Variants in MS4A12 observed in about 807,000 individuals in gnomAD.
The protein encoded by MS4A12 is membrane spanning 4-domains A12.
MS4A12 carries 28 observed loss-of-function variants against 23.7 expected under a neutral mutation model. The ratio of observed to expected loss-of-function variants is 1.18; its 90% CI spans 0.88 to 1.62. The LOEUF (loss-of-function observed/expected upper bound fraction) is 1.62. Ranked by LOEUF, MS4A12 falls within the 40% of genes most tolerant of loss-of-function variation. The probability of loss-of-function intolerance (pLI) is 0.00; values close to 1 mark genes in which losing one functional copy is unlikely to be tolerated. For synonymous variants in MS4A12, 108 were observed against 110.1 expected, an observed-to-expected ratio of 0.98 and a Z score of 0.12; for missense variants, 342 against 327.0, an observed-to-expected ratio of 1.05 and a Z score of -0.35.
At chr11:60,498,502 T>TA (rs574885790) in intron 2 of MS4A12, among the ~76,000 whole-genome samples, 85 of 152,272 alleles carry the variant, frequency 5.6e-4, no homozygotes, top group African/African-American at 2.0e-3. Flanking sequence ...CTGCTCCTAA[T>TA]AAGCCAATGG....
chr11:60,496,330 A>T (rs1293683516), intron 1 of MS4A12, among the ~76,000 whole-genome samples: 1 of 152,218 alleles, frequency 6.6e-6, no homozygotes, highest in African/African-American at 2.4e-5. Context: ...AAAAAAAGGA[A>T]TCTAAGGCTA....
At chr11:60,494,578 C>T (rs2086473835) in intron 1 of MS4A12, among the ~76,000 whole-genome samples, 1 of 152,234 alleles carries the variant, frequency 6.6e-6, no homozygotes, top group Non-Finnish European at 1.5e-5. Flanking sequence ...ATGGCCACAT[C>T]CACTGCCTAA....
In MS4A12 at chr11:60,507,195, CT is replaced by C; in HGVS notation, c.*75del. 2 of 1,192,330 alleles carry C rather than the reference CT, an allele frequency of 1.7e-6. No individual in the cohort carries two copies. Among genetic ancestry groups the C allele is most frequent in the Non-Finnish European group, 2.5e-6 (2 of 808,776 alleles). The allele number at this position is 1,192,330 out of a possible 1,614,324, so 73.9% of individuals were successfully genotyped here. A position where few individuals can be genotyped will look rare whatever the true frequency, so the allele number is the denominator to read the frequency against. On this transcript the variant is annotated 3_prime_UTR_variant, in exon 7 of 7. Coordinates refer to ENST00000016913, the MANE Select transcript of MS4A12 (RefSeq NM_017716.3). ...TTGCAAAAACTTCTTAAGAAGATGT[CT>C]TTTATTGTCTACAATGATTTCTAGT...
chr11:60,494,365 A>G (rs2086472111), intron 1 of MS4A12, among the ~76,000 whole-genome samples: 1 of 152,230 alleles, frequency 6.6e-6, no homozygotes, highest in African/African-American at 2.4e-5. Flanking sequence ...ATTTCTCGAG[A>G]CAAAAAAAAA....
chr11:60,498,594 T>C (rs1374172858), intron 2 of MS4A12, among the ~76,000 whole-genome samples: 2 of 152,136 alleles, frequency 1.3e-5, no homozygotes, highest in African/African-American at 2.4e-5. Context: ...ATCTCTGCCC[T>C]CACAGAACTT....
rs1162347766 is a variant in MS4A12, at chr11:60,500,996, A to G, written c.277-49A>G. On this transcript the variant is annotated intron_variant, in intron 2 of 6. Transcript: ENST00000016913. Reference sequence around the variant, plus strand: ...GGCAGCAATGACAGTAATGTTTCACACGTCTGAAAGTGAAGAAGTAATTTT... The same window carrying G: ...GGCAGCAATGACAGTAATGTTTCACGCGTCTGAAAGTGAAGAAGTAATTTT... The G allele has an allele frequency of 8.4e-6, 13 of 1,550,206 alleles. No homozygotes were observed. The Admixed American group carries it at 2.4e-4, about 29-fold the overall frequency.
At chr11:60,498,245 C>T (rs184054026) in intron 2 of MS4A12, among the ~76,000 whole-genome samples, 2 of 152,300 alleles carry the variant, frequency 1.3e-5, no homozygotes, top group East Asian at 3.9e-4. Flanking sequence ...ATCATTCATC[C>T]CGCTAGCACA....
chr11:60,502,050 C>A lies in MS4A12; in HGVS notation c.471+11C>A. ...CTTTCCCGTTGTCTGGTAAGTTAGA[C>A]TGTCTCTACTTTTTGAACCCCTTTA... On this transcript the variant is annotated intron_variant, in intron 4 of 6. Coordinates refer to ENST00000016913, the MANE Select transcript of MS4A12 (RefSeq NM_017716.3). 6.2e-7 allele frequency: 1 copy of A among 1,602,566 alleles called. No homozygotes were observed. Among genetic ancestry groups the A allele is most frequent in the Non-Finnish European group, 8.5e-7 (1 of 1,169,752 alleles).
intron 2 of MS4A12, among the ~76,000 whole-genome samples, chr11:60,500,493 T>C (rs1017011627): frequency 5.3e-5 from 8 of 152,162 alleles, no homozygotes; most frequent in African/African-American, 1.7e-4. Flanking sequence ...CTCTTAGGAA[T>C]TGTGTGACCT....
intron 2 of MS4A12, 49 bp downstream of exon 2, chr11:60,497,643 CT>C: frequency 6.3e-7 from 1 of 1,583,980 alleles, no homozygotes; most frequent in Non-Finnish European, 8.7e-7. Flanking sequence ...GCAAGGTCTT[CT>C]TATAAGTTAT....
chr11:60,501,488 G>T (rs1050057787), intron 3 of MS4A12, among the ~76,000 whole-genome samples: 15 of 152,240 alleles, frequency 9.9e-5, no homozygotes, highest in African/African-American at 3.6e-4. Context: ...TACTACATTT[G>T]AGATGGAAAT....
At chr11:60,502,135 G>A in intron 4 of MS4A12, 96 bp downstream of exon 4, 2 of 1,262,486 alleles carry the variant, frequency 1.6e-6, no homozygotes, top group South Asian at 1.3e-5. Context: ...AAATGCAAAA[G>A]GGAGCACCTT....
chr11:60,501,106 CCTT>C lies in MS4A12; in HGVS notation c.341_343del (p.Phe114del). On this transcript the variant is annotated inframe_deletion, in exon 3 of 7. Transcript: ENST00000016913. The stretch of plus-strand genomic sequence containing the variant: ...TTTGGAATTGTTTTGTGTTTAATAT[CCTT>C]CTCTTTTAGAGAAGTATTAGGTTTT... 6.2e-7 allele frequency: 1 copy of C among 1,612,990 alleles called. No homozygotes were observed. The highest frequency in any genetic ancestry group is 8.5e-7 in the Non-Finnish European group (1 of 1,179,334).
chr11:60,506,068 G>A (rs928032894), intron 5 of MS4A12, among the ~76,000 whole-genome samples: 9 of 152,254 alleles, frequency 5.9e-5, no homozygotes, highest in African/African-American at 2.2e-4. Flanking sequence ...ACAACCGCTA[G>A]GGCTCAAGTT....
Position 60,503,753 on chromosome 11 carries a change from G to C in MS4A12, c.524G>C (p.Gly175Ala), listed in dbSNP as rs1239183503. ...NIVSSILAFI[G>A]VILLLVDMCI... ...GTTAGTTCTATCTTGGCCTTCATTG[G>C]AGTGATTCTGCTGCTGGTGGATATG... Residue 175 changes from glycine (G) to alanine (A), a missense_variant, in exon 5 of 7, where the codon GGA (glycine) becomes GCA (alanine). Physicochemically the swap from Gly to Ala is moderately conservative, Grantham distance 60. Transcript: ENST00000016913. The C allele has an allele frequency of 6.2e-7, 1 of 1,613,948 alleles. No homozygotes were observed. Among genetic ancestry groups the C allele is most frequent in the Non-Finnish European group, 8.5e-7 (1 of 1,179,884 alleles).
chr11:60,498,933 G>A (rs749681111), intron 2 of MS4A12, among the ~76,000 whole-genome samples: 3 of 152,078 alleles, frequency 2.0e-5, no homozygotes, highest in African/African-American at 2.4e-5. Context: ...AGTGAGGGAG[G>A]GGGCAGTTGT....
intron 2 of MS4A12, 112 bp downstream of exon 2, chr11:60,497,706 T>A: frequency 8.4e-7 from 1 of 1,189,452 alleles, no homozygotes; most frequent in Non-Finnish European, 1.2e-6. Context: ...TCTGAAATTA[T>A]CTCTTTTAGA....
At chr11:60,496,041 T>C (rs1414645459) in intron 1 of MS4A12, among the ~76,000 whole-genome samples, 1 of 152,212 alleles carries the variant, frequency 6.6e-6, no homozygotes, top group Non-Finnish European at 1.5e-5. Context: ...ATGTTTTCTG[T>C]GTAACCTTGA....
Position 60,500,224 on chromosome 11 carries a change from G to C in MS4A12, c.277-821G>C, listed in dbSNP as rs909642621. Among the ~76,000 whole-genome samples the C allele has an allele frequency of 2.1e-5, 3 of 141,068 alleles. No individual in the cohort carries two copies. In the Admixed American group the frequency reaches 2.2e-4, roughly 10 times the overall value. 92.5% of individuals were successfully genotyped at this position (141,068 alleles called of 152,430 possible). On this transcript the variant is annotated intron_variant, in intron 2 of 6. Transcript: ENST00000016913. ...CCACTGCACTCCAGCCTGGGCAATA[G>C]AGCAAGACTCTGTCTCAAAAAAAAA...
Sources: allele counts gnomAD v4.1 joint callset (sites outside exome capture counted in the v4.1 genomes callset), GRCh38; gene constraint gnomAD v4.1.1; transcripts MANE v1.5; gene names NCBI Gene and HGNC (gene_info 2026-07-23, HGNC 2026-07-21).